Variants in C3orf20 observed in about 807,000 individuals in gnomAD.
C3orf20 encodes uncharacterized protein C3orf20.
A neutral mutation model predicts 88.3 loss-of-function variants in C3orf20; 76 were observed. The ratio of observed to expected loss-of-function variants is 0.86; its 90% confidence interval spans 0.72 to 1.04. C3orf20 has a LOEUF of 1.04. C3orf20 is among the 50% of genes least tolerant of loss of function. The pLI is 0.00. For synonymous variants in C3orf20, 436 were observed against 437.4 expected (o/e 1.00, Z 0.04); for missense variants, 1,056 against 1,123.3 (o/e 0.94, Z 0.86).
chr3:14,684,654 A>G (rs777668747), intron 4 of C3orf20, among the ~76,000 whole-genome samples: 3 of 152,210 alleles, frequency 2.0e-5, no homozygotes, highest in Non-Finnish European at 4.4e-5. Flanking sequence ...CCGTGCTCTC[A>G]AGCTACGTGC....
chr3:14,771,277 G>A (rs1228574135), intron 15 of C3orf20, among the ~76,000 whole-genome samples: 1 of 152,264 alleles, frequency 6.6e-6, no homozygotes, highest in African/African-American at 2.4e-5. Context: ...GAATGGAGAG[G>A]AACCTCTGTT....
At chr3:14,682,378 C>T (rs2032137135) in intron 2 of C3orf20, 47 bp downstream of exon 2, 1 of 230,954 alleles carries the variant, frequency 4.3e-6, no homozygotes. Context: ...ATTCCTCCAG[C>T]CCCCCCAGGG....
intron 12 of C3orf20, among the ~76,000 whole-genome samples, chr3:14,743,122 A>G (rs1377247096): frequency 6.6e-6 from 1 of 151,944 alleles, no homozygotes; most frequent in African/African-American, 2.4e-5. Context: ...GTCCAGTCCA[A>G]AATGTCATCT....
chr3:14,727,030 G>A lies in C3orf20; in HGVS notation c.1690+6G>A. ...TTCTATCTTGCTGGCCGCAGGTAAG[G>A]AGGCTGAAAGGTGGGCGAAGGCCTA... On this transcript the variant is annotated splice_donor_region_variant and intron_variant, in intron 11 of 16. Transcript: ENST00000253697. 1 of 1,614,134 alleles carries A rather than the reference G, an allele frequency of 6.2e-7. No homozygotes were observed.
chr3:14,742,057 A>G (rs1202663707), intron 12 of C3orf20, among the ~76,000 whole-genome samples: 1 of 152,184 alleles, frequency 6.6e-6, no homozygotes, highest in Admixed American at 6.5e-5. Flanking sequence ...TGTCTGACTT[A>G]TGCCTCCTAC....
chr3:14,678,247 C>G (rs981997504), intron 1 of C3orf20, among the ~76,000 whole-genome samples: 5 of 152,240 alleles, frequency 3.3e-5, no homozygotes, highest in Admixed American at 1.3e-4. Flanking sequence ...ACACACACCA[C>G]CTCACTAATC....
At position 14,754,147 on chromosome 3, in the gene C3orf20, C is replaced by A. The variant is rs1014268305; in HGVS notation, c.1941-3224C>A. Among the ~76,000 whole-genome samples, 6 of 152,246 alleles carry A rather than the reference C, an allele frequency of 3.9e-5. No homozygotes were observed. The East Asian group carries it at 9.6e-4, about 24-fold the overall frequency. On this transcript the variant is annotated intron_variant, in intron 12 of 16. Transcript: ENST00000253697. Reference sequence around the variant, plus strand: ...TCCCATATACCTCCTTCCCCACCCTCTTTCTTCCCAGGCTTTTTAGCCTAC... The same window carrying A: ...TCCCATATACCTCCTTCCCCACCCTATTTCTTCCCAGGCTTTTTAGCCTAC...
At chr3:14,765,904 G>A (rs1203608212) in intron 15 of C3orf20, among the ~76,000 whole-genome samples, 1 of 152,228 alleles carries the variant, frequency 6.6e-6, no homozygotes, top group East Asian at 1.9e-4. Context: ...GGGTCCCCAC[G>A]GGGGCCTCAT....
At chr3:14,713,370 T>C in intron 7 of C3orf20, among the ~76,000 whole-genome samples, 1 of 152,180 alleles carries the variant, frequency 6.6e-6, no homozygotes, top group Non-Finnish European at 1.5e-5. Context: ...CTGCTTTCAT[T>C]CTGAAATGCT....
chr3:14,729,980 A>G (rs947324272), intron 12 of C3orf20, among the ~76,000 whole-genome samples: 20 of 152,272 alleles, frequency 1.3e-4, no homozygotes, highest in African/African-American at 4.6e-4. Context: ...CAAAGTAAAC[A>G]TATCCTATAA....
intron 12 of C3orf20, among the ~76,000 whole-genome samples, chr3:14,732,898 AGTTT>A (rs1396268528): frequency 1.6e-4 from 17 of 107,012 alleles, no homozygotes; most frequent in Non-Finnish European, 2.8e-4. Context: ...TATGAATTGA[AGTTT>A]GTTTGTTTTA....
intron 12 of C3orf20, among the ~76,000 whole-genome samples, chr3:14,742,590 G>A (rs2034936405): frequency 6.6e-6 from 1 of 152,164 alleles, no homozygotes. Flanking sequence ...GGCCTCTTTA[G>A]GAGAAGATTT....
At chr3:14,764,815 T>G (rs2035658556) in intron 15 of C3orf20, 2 of 152,246 alleles carry the variant, frequency 1.3e-5, no homozygotes, top group Non-Finnish European at 2.9e-5. Context: ...TTGCCTTTCA[T>G]GCCTTAGCCT....
intron 15 of C3orf20, among the ~76,000 whole-genome samples, chr3:14,763,618 C>G (rs143318259): frequency 1.3e-4 from 20 of 152,306 alleles, no homozygotes; most frequent in African/African-American, 4.8e-4. Flanking sequence ...TTATTTGGCT[C>G]TAGATGTCCT....
intron 12 of C3orf20, among the ~76,000 whole-genome samples, chr3:14,752,526 A>G (rs1379075465): frequency 1.3e-5 from 2 of 152,250 alleles, no homozygotes; most frequent in Non-Finnish European, 2.9e-5. Flanking sequence ...ACAGCAAAAG[A>G]AACTATCATC....
chr3:14,684,299 ACCT>A lies in C3orf20; in HGVS notation c.544_546del (p.Leu182del), dbSNP rs1286269998. On this transcript the variant is annotated inframe_deletion, in exon 4 of 17. Transcript: ENST00000253697. ...TTTGTGGAGGCCAGCCAGCTCCTCC[ACCT>A]CAATGCCAAGGAGATGGCCTTCAAC... 1 of 1,613,934 alleles carries A rather than the reference ACCT, an allele frequency of 6.2e-7. No homozygotes were observed. Among genetic ancestry groups the A allele is most frequent in the African/African-American group, 1.3e-5 (1 of 74,860 alleles).
chr3:14,696,377 T>TATA (rs2033003152), intron 5 of C3orf20, among the ~76,000 whole-genome samples: 1 of 146,640 alleles, frequency 6.8e-6, no homozygotes, highest in South Asian at 2.1e-4. Flanking sequence ...CTATCATTAT[T>TATA]ATTATTATTA....
chr3:14,707,923 G>A (rs957474241), intron 7 of C3orf20, among the ~76,000 whole-genome samples: 1 of 147,854 alleles, frequency 6.8e-6, no homozygotes, highest in Admixed American at 6.9e-5. Context: ...GGGTTCAAGC[G>A]ATTCTTCTGC....
chr3:14,737,313 C>G (rs1473313850), intron 12 of C3orf20, among the ~76,000 whole-genome samples: 2 of 152,018 alleles, frequency 1.3e-5, no homozygotes, highest in Non-Finnish European at 2.9e-5. Flanking sequence ...CTGGGACTCC[C>G]AAGTACACCT....
Sources: allele counts gnomAD v4.1 joint callset (sites outside exome capture counted in the v4.1 genomes callset), GRCh38; gene constraint gnomAD v4.1.1; transcripts MANE v1.5; gene names NCBI Gene and HGNC (gene_info 2026-07-23, HGNC 2026-07-21).